WASHC4: variants seen among roughly 807,000 people sequenced by gnomAD.
WASHC4 encodes WASH complex subunit 4, also known as WASH complex subunit 7.
A neutral mutation model predicts 166.6 loss-of-function variants in WASHC4; 86 were observed. The observed-to-expected ratio is 0.52, with a 90% confidence interval of 0.43 to 0.62. The LOEUF is 0.62. Ranked by LOEUF, WASHC4 falls within the 20% of genes least tolerant of loss-of-function variation. The probability of loss-of-function intolerance (pLI) is 0.00; values close to 1 mark genes in which losing one functional copy is unlikely to be tolerated. For missense variants in WASHC4, 1,262 were observed against 1,382.4 expected, an observed-to-expected ratio of 0.91 and a Z score of 1.38; for synonymous variants, 446 against 451.6, an observed-to-expected ratio of 0.99 and a Z score of 0.16.
At position 105,167,983 on chromosome 12, in the gene WASHC4, G is replaced by C. The variant is rs992076641; in HGVS notation, c.*1052G>C. 1.3e-5 allele frequency: 2 copies of C among 152,326 alleles called. No homozygotes were observed. Among genetic ancestry groups the C allele is most frequent in the African/African-American group, 4.8e-5 (2 of 41,442 alleles). 9.4% of individuals were successfully genotyped at this position (152,326 alleles called of 1,614,324 possible). On this transcript the variant is annotated 3_prime_UTR_variant, in exon 33 of 33. Coordinates refer to ENST00000332180, the MANE Select transcript of WASHC4 (RefSeq NM_015275.3). ...GTTTTATTTTTGTAAAGGTATGTAA[G>C]TTATTAAATGGTTAATCATGGCCTT...
intron 7 of WASHC4, among the ~76,000 whole-genome samples, chr12:105,120,336 T>A (rs911365160): frequency 3.3e-5 from 5 of 152,206 alleles, no homozygotes; most frequent in African/African-American, 1.2e-4. Context: ...TTATTGCTGT[T>A]TTTGTATCAC....
In WASHC4 at chr12:105,107,879, CG is replaced by C. The variant is rs965565812; in HGVS notation, c.61+19del. On this transcript the variant is annotated intron_variant, in intron 1 of 32. Transcript: ENST00000332180. ...CTCGCAGAGTAAGGGAGCTGCAGGG[CG>C]AGGGCTGCGGGTGGACGCTCCTTCG... 1 of 1,537,604 alleles carries C rather than the reference CG, an allele frequency of 6.5e-7. No individual in the cohort carries two copies. Among genetic ancestry groups the C allele is most frequent in the African/African-American group, 1.4e-5 (1 of 72,748 alleles).
intron 10 of WASHC4, 116 bp from the exon 11 acceptor site, chr12:105,125,886 TAA>T (rs1881235201): frequency 1.0e-6 from 1 of 1,001,452 alleles, no homozygotes; most frequent in Non-Finnish European, 1.5e-6. Flanking sequence ...TTAGTTTTAG[TAA>T]AATTTAAATG....
chr12:105,128,230 C>T (rs35757629), intron 13 of WASHC4, among the ~76,000 whole-genome samples: 12,762 of 152,226 alleles, frequency 0.084, 707 homozygotes, highest in Non-Finnish European at 0.12. Flanking sequence ...TGGAAAACTA[C>T]AACAGATTTA....
chr12:105,143,801 T>A (rs913030104), intron 20 of WASHC4, among the ~76,000 whole-genome samples: 1 of 152,006 alleles, frequency 6.6e-6, no homozygotes, highest in African/African-American at 2.4e-5. Context: ...TAATCCTACC[T>A]GGGTTTGATG....
At chr12:105,164,511 G>A in intron 31 of WASHC4, 130 bp from the exon 32 acceptor site, 1 of 830,188 alleles carries the variant, frequency 1.2e-6, no homozygotes. Context: ...ACTTATTTCA[G>A]TTTCTGTATT....
chr12:105,127,772 C>T (rs1270764974), intron 13 of WASHC4, among the ~76,000 whole-genome samples: 2 of 152,112 alleles, frequency 1.3e-5, no homozygotes, highest in Admixed American at 1.3e-4. Flanking sequence ...TTCCCAGTTC[C>T]TTCCTGTATT....
chr12:105,160,175 A>T (rs1884408116), intron 29 of WASHC4, 27 bp downstream of exon 29: 13 of 1,561,048 alleles, frequency 8.3e-6, no homozygotes, highest in Non-Finnish European at 1.1e-5. Context: ...CCTAAAATGA[A>T]TTTTTTTTTT....
intron 15 of WASHC4, among the ~76,000 whole-genome samples, chr12:105,138,866 C>T (rs1484527499): frequency 6.6e-6 from 1 of 151,926 alleles, no homozygotes; most frequent in African/African-American, 2.4e-5. Context: ...AAAATAATAA[C>T]CACTGTCCCA....
intron 24 of WASHC4, chr12:105,148,706 G>T (rs1883506240): frequency 1.0e-6 from 1 of 985,282 alleles, no homozygotes; most frequent in Non-Finnish European, 1.2e-6. Context: ...TTGGGTAAAT[G>T]AATACTGAGT....
At chr12:105,144,558 T>A in intron 21 of WASHC4, 103 bp downstream of exon 21, 1 of 1,208,940 alleles carries the variant, frequency 8.3e-7, no homozygotes, top group Non-Finnish European at 1.2e-6. Context: ...TTTGTGTTGT[T>A]ATTCTTTAAT....
At chr12:105,155,532 C>A (rs1005612314) in intron 26 of WASHC4, among the ~76,000 whole-genome samples, 2 of 148,728 alleles carry the variant, frequency 1.3e-5, no homozygotes, top group Admixed American at 1.4e-4. Flanking sequence ...GCCATTACAG[C>A]ATTTTCAGAA....
rs1884187439 is a variant in WASHC4 at position 105,156,765 on chromosome 12, G to A, written c.2798G>A (p.Gly933Asp). The A allele has an allele frequency of 6.2e-7, 1 of 1,612,736 alleles. No individual in the cohort carries two copies. The highest frequency in any genetic ancestry group is 8.5e-7 in the Non-Finnish European group (1 of 1,179,260). The change falls in exon 27 of 33, where the codon GGT becomes GAT. Residue 933 changes from glycine (G) to aspartate (D), a missense_variant. By Grantham distance (94) the Gly-to-Asp change is moderately conservative. Transcript: ENST00000332180. ...MGYVRMIRSGGLHCSSNAIRF... is the reference protein window; with the variant it reads ...MGYVRMIRSGDLHCSSNAIRF... ...TATGTACGAATGATAAGATCTGGTG[G>A]TCTTCATTGTAGCAGCAATGCCATT...
At chr12:105,164,513 T>G in intron 31 of WASHC4, 128 bp from the exon 32 acceptor site, 1 of 833,020 alleles carries the variant, frequency 1.2e-6, no homozygotes, top group Non-Finnish European at 1.9e-6. Flanking sequence ...TTATTTCAGT[T>G]TCTGTATTTA....
chr12:105,139,425 G>GTATATATATATGTATA (rs1555236360), intron 15 of WASHC4, among the ~76,000 whole-genome samples: 5 of 103,188 alleles, frequency 4.8e-5, no homozygotes, highest in Admixed American at 1.1e-4. Context: ...ATGTGTGTGT[G>GTATATATATATGTATA]TATATATATA....
At chr12:105,136,045 C>T (rs746601822) in intron 14 of WASHC4, among the ~76,000 whole-genome samples, 11 of 152,156 alleles carry the variant, frequency 7.2e-5, no homozygotes, top group South Asian at 2.1e-4. Flanking sequence ...TAGTCTAGGA[C>T]GGTTAGCAAC....
At chr12:105,165,882 A>G (rs1884781200) in intron 32 of WASHC4, among the ~76,000 whole-genome samples, 1 of 152,222 alleles carries the variant, frequency 6.6e-6, no homozygotes, top group African/African-American at 2.4e-5. Context: ...TATACATACT[A>G]CATTTGTGTT....
intron 24 of WASHC4, 73 bp from the exon 25 acceptor site, chr12:105,149,542 A>G (rs930709584): frequency 2.7e-5 from 30 of 1,122,250 alleles, no homozygotes; most frequent in Non-Finnish European, 3.7e-5. Flanking sequence ...GTGATACAGT[A>G]AAATTTATTT....
intron 9 of WASHC4, among the ~76,000 whole-genome samples, chr12:105,121,505 T>A (rs1880738218): frequency 6.6e-6 from 1 of 152,126 alleles, no homozygotes; most frequent in South Asian, 2.1e-4. Flanking sequence ...CAGGTGACAG[T>A]TTTTTCTTCT....
Sources: gnomAD v4.1 joint callset for allele counts (sites outside exome capture counted in the v4.1 genomes callset) on GRCh38, gnomAD v4.1.1 for gene constraint, MANE v1.5 for transcripts, NCBI Gene and HGNC (gene_info 2026-07-23, HGNC 2026-07-21) for gene names.